Variants in ZNF653 observed in about 807,000 individuals in gnomAD.
ZNF653 encodes 67 kDa zinc finger protein.
In ZNF653, 37 loss-of-function variants were observed where a neutral mutation model predicts 59.9. The ratio of observed to expected loss-of-function variants is 0.62; its 90% CI spans 0.48 to 0.81. The LOEUF is 0.81. Among genes scored for constraint, ZNF653 ranks in the 40% least tolerant of loss-of-function variants. The probability of loss-of-function intolerance (pLI) is 0.00; values close to 1 mark genes in which losing one functional copy is unlikely to be tolerated. For missense variants in ZNF653, 808 were observed against 881.1 expected (o/e 0.92, Z 1.05); for synonymous variants, 435 against 371.8 (o/e 1.17, Z -1.96).
intron 3 of ZNF653, among the ~76,000 whole-genome samples, chr19:11,489,027 G>A (rs1971502787): frequency 6.6e-6 from 1 of 151,666 alleles, no homozygotes; most frequent in African/African-American, 2.4e-5. Flanking sequence ...AGCCTCCTGA[G>A]TAGCTGGGAT....
chr19:11,494,366 ACATAACATAACATAAAACATAACAT>A (rs1400478880), intron 3 of ZNF653, among the ~76,000 whole-genome samples: 4 of 148,360 alleles, frequency 2.7e-5, no homozygotes, highest in Non-Finnish European at 5.9e-5. Flanking sequence ...ACATAACATA[ACATAACATAACATAAAACATAACAT>A]AACATAACAT....
chr19:11,495,770 G>A lies in ZNF653; in HGVS notation c.559+180C>T, dbSNP rs1971580141. 1.6e-5 allele frequency: 10 copies of A among 634,264 alleles called. No individual in the cohort carries two copies. In the South Asian group the frequency reaches 1.7e-4, roughly 11 times the overall value. The allele number at this position is 634,264 out of a possible 1,614,324, so 39.3% of individuals were successfully genotyped here. ...CTCCCCACTCAAGCTCTGTAAGGAC[G>A]CAAAGAGGGCAAGGCCACGAAGGAC... On this transcript the variant is annotated intron_variant, in intron 3 of 8. Coordinates refer to ENST00000293771, the MANE Select transcript of ZNF653 (RefSeq NM_138783.4). This position sits in a 1 kb window ranked among gnomAD's most constrained non-coding sequence, Gnocchi z 4.9.
At chr19:11,490,262 G>A (rs1258849111) in intron 3 of ZNF653, among the ~76,000 whole-genome samples, 1 of 152,204 alleles carries the variant, frequency 6.6e-6, no homozygotes, top group African/African-American at 2.4e-5. Context: ...GATGCACAGG[G>A]CAAGATACGG....
chr19:11,494,737 CGTAA>C (rs1217188473), intron 3 of ZNF653, among the ~76,000 whole-genome samples: 2 of 152,086 alleles, frequency 1.3e-5, no homozygotes, highest in Admixed American at 6.6e-5. Context: ...TGAGTTGGGG[CGTAA>C]GTAAGCTGCT....
intron 3 of ZNF653, among the ~76,000 whole-genome samples, chr19:11,490,019 A>C (rs1230353640): frequency 6.7e-6 from 1 of 148,782 alleles, no homozygotes; most frequent in Non-Finnish European, 1.5e-5. Flanking sequence ...AGTGGGCGTC[A>C]AATCCTCCAA....
Position 11,493,651 on chromosome 19 carries a change from G to C in ZNF653, c.559+2299C>G, listed in dbSNP as rs376068683. On this transcript the variant is annotated intron_variant, in intron 3 of 8. Coordinates refer to ENST00000293771, the MANE Select transcript of ZNF653 (RefSeq NM_138783.4). ...GAGGGAAGGGCCAGAGCACGCGTCT[G>C]GGTCCACCTGACTGCAGCACCTGCT... 4.6e-5 allele frequency among the ~76,000 whole-genome samples: 7 copies of C among 152,200 alleles called. No homozygotes were observed. In the South Asian group the frequency reaches 1.2e-3, roughly 27 times the overall value.
rs139170473 is a variant in ZNF653 at position 11,502,681 on chromosome 19, A to C, written c.299+2807T>G. The stretch of plus-strand genomic sequence containing the variant: ...CTGCATCTCAAAAATAAATAAACAA[A>C]TAAATAAGGAAATAAAAGGCCAGGC... On this transcript the variant is annotated intron_variant, in intron 1 of 8. Transcript: ENST00000293771. 1.5e-3 allele frequency among the ~76,000 whole-genome samples: 232 copies of C among 152,250 alleles called. 2 individuals are homozygous for C. Among genetic ancestry groups the C allele is most frequent in the African/African-American group, 5.4e-3 (223 of 41,540 alleles).
chr19:11,483,917 C>T, intron 8 of ZNF653, 58 bp from the exon 9 acceptor site: 1 of 1,510,948 alleles, frequency 6.6e-7, no homozygotes, highest in Non-Finnish European at 8.9e-7. Flanking sequence ...CGGGGCGGGG[C>T]CCTACAAGGC....
chr19:11,504,076 C>T (rs774829610), intron 1 of ZNF653, among the ~76,000 whole-genome samples: 18 of 151,996 alleles, frequency 1.2e-4, no homozygotes, highest in Non-Finnish European at 1.5e-4. Context: ...CTGCATTCCA[C>T]TCTGGGCGAG....
chr19:11,496,572 C>T (rs879748638), intron 2 of ZNF653, among the ~76,000 whole-genome samples: 5 of 151,560 alleles, frequency 3.3e-5, no homozygotes, highest in Non-Finnish European at 7.4e-5. Flanking sequence ...CCCTCCTCTG[C>T]TCAGAATCCA....
intron 7 of ZNF653, among the ~76,000 whole-genome samples, 171 bp downstream of exon 7, chr19:11,485,485 G>A (rs80232403): frequency 4.0e-3 from 602 of 152,208 alleles, no homozygotes; most frequent in Non-Finnish European, 6.6e-3. Flanking sequence ...AGTTCCTGTC[G>A]CTGTGGCTCA....
chr19:11,483,782 T>C lies in ZNF653; in HGVS notation c.1748A>G (p.Gln583Arg). 4 of 1,613,312 alleles carry C rather than the reference T, an allele frequency of 2.5e-6. No homozygotes were observed. Among genetic ancestry groups the C allele is most frequent in the Non-Finnish European group, 3.4e-6 (4 of 1,179,584 alleles). ...GCAGCGATCGCACGTGAAGTTGTACTGCACCTCCGCAGTGTGCTTCTTCAT... is the reference window on the plus strand; with the variant it reads ...GCAGCGATCGCACGTGAAGTTGTACCGCACCTCCGCAGTGTGCTTCTTCAT... ...WHMKKHTAEV[Q>R]YNFTCDRCGK... The change falls in exon 9 of 9, where the codon CAG becomes CGG. Residue 583 changes from glutamine (Q) to arginine (R), a missense_variant. Physicochemically the swap from Gln to Arg is conservative, Grantham distance 43. Coordinates refer to ENST00000293771, the MANE Select transcript of ZNF653 (RefSeq NM_138783.4).
At chr19:11,488,884 C>T (rs1372590743) in intron 3 of ZNF653, among the ~76,000 whole-genome samples, 1 of 151,798 alleles carries the variant, frequency 6.6e-6, no homozygotes. Flanking sequence ...GCATGAGCCA[C>T]CGCATCCGGC....
rs867232542 is a variant in ZNF653 at position 11,487,355 on chromosome 19, G to A, written c.1108C>T (p.Pro370Ser). ...EGVAAYTQTE[P>S]EGSQPSTMDA... ...ATGGTGCTAGGCTGGCTACCCTCGG[G>A]CTCTGTCTGGGTGTAGGCTGCCACA... The change falls in exon 4 of 9, where the codon CCC becomes TCC. Residue 370 changes from proline to serine, a missense_variant. By Grantham distance (74) the Pro-to-Ser change is moderately conservative. Transcript: ENST00000293771. This position sits in a 1 kb window ranked among gnomAD's most constrained non-coding sequence, Gnocchi z 5.1. 6.2e-7 allele frequency: 1 copy of A among 1,613,228 alleles called. No homozygotes were observed.
In ZNF653 at chr19:11,487,036, C is replaced by T. The variant is rs374751795; in HGVS notation, c.1294G>A (p.Gly432Ser). 8.7e-6 allele frequency: 14 copies of T among 1,614,060 alleles called. No homozygotes were observed. Among genetic ancestry groups the T allele is most frequent in the Admixed American group, 1.7e-5 (1 of 60,012 alleles). Reference sequence around the variant, plus strand: ...TAGATGATGGCTGACATGTCGCTGCCGTCCAGCTCCTCCCCGTCCGCCTCT... The same window carrying T: ...TAGATGATGGCTGACATGTCGCTGCTGTCCAGCTCCTCCCCGTCCGCCTCT... ...EAEADGEELD[G>S]SDMSAIIYEI... Residue 432 changes from glycine to serine, a missense_variant, in exon 5 of 9, where the codon GGC becomes AGC. Coordinates refer to ENST00000293771, the MANE Select transcript of ZNF653 (RefSeq NM_138783.4). This position sits in a 1 kb window ranked among gnomAD's most constrained non-coding sequence, Gnocchi z 5.1.
Position 11,487,281 on chromosome 19 carries a change from G to C in ZNF653, c.1171+11C>G. 6.2e-7 allele frequency: 1 copy of C among 1,608,094 alleles called. No individual in the cohort carries two copies. Among genetic ancestry groups the C allele is most frequent in the African/African-American group, 1.3e-5 (1 of 74,960 alleles). On this transcript the variant is annotated intron_variant, in intron 4 of 8. Coordinates refer to ENST00000293771, the MANE Select transcript of ZNF653 (RefSeq NM_138783.4). The surrounding 1 kb of genome is among the most constrained non-coding windows in gnomAD (Gnocchi z 5.1). ...CACCCCTGGCCAGAGGCCACGACAG[G>C]TCCCCCAGACCTTTCTTGGTCTCGA... is the stretch of plus-strand genomic sequence containing the variant.
Position 11,483,653 on chromosome 19 carries a change from T to C in ZNF653, c.*29A>G. 6.3e-7 allele frequency: 1 copy of C among 1,597,894 alleles called. No individual in the cohort carries two copies. Among genetic ancestry groups the C allele is most frequent in the Non-Finnish European group, 8.6e-7 (1 of 1,167,356 alleles). On this transcript the variant is annotated 3_prime_UTR_variant, in exon 9 of 9. Coordinates refer to ENST00000293771, the MANE Select transcript of ZNF653 (RefSeq NM_138783.4). The stretch of plus-strand genomic sequence containing the variant: ...CGGGCGTGGTGTCCGAGCGGACGAA[T>C]AAATAGGGGCGGTCAGTGGTCAGGT...
At position 11,484,083 on chromosome 19, in the gene ZNF653, C is replaced by T; in HGVS notation, c.1629G>A (p.Leu543=). The stretch of plus-strand genomic sequence containing the variant: ...CGGTGTGGGTGCGCCGATGTACCTC[C>T]AGGTGGTTCTTCCTCTTGAAGGACT... ...CGKSFKRKNH[L]EVHRRTHTGE... is the part of the protein sequence containing the mutation. Residue 543 remains leucine, a synonymous_variant, in exon 8 of 9, where the codon CTG becomes CTA. Coordinates refer to ENST00000293771, the MANE Select transcript of ZNF653 (RefSeq NM_138783.4). The T allele has an allele frequency of 1.3e-6, 2 of 1,560,408 alleles. No homozygotes were observed. The highest frequency in any genetic ancestry group is 1.7e-6 in the Non-Finnish European group (2 of 1,152,064).
intron 3 of ZNF653, among the ~76,000 whole-genome samples, chr19:11,494,637 G>A (rs577813850): frequency 1.6e-4 from 24 of 152,106 alleles, no homozygotes; most frequent in African/African-American, 5.8e-4. Context: ...GCAGTGAGCC[G>A]AGATCGCGCC....
Sources: gnomAD v4.1 joint callset for allele counts (sites outside exome capture counted in the v4.1 genomes callset) on GRCh38, gnomAD v4.1.1 for gene constraint, Gnocchi (gnomAD v3.1) non-coding constraint, MANE v1.5 for transcripts, NCBI Gene and HGNC (gene_info 2026-07-23, HGNC 2026-07-21) for gene names.